GRM4: variants seen among roughly 807,000 people sequenced by gnomAD.
GRM4 encodes the protein glutamate metabotropic receptor 4.
A neutral mutation model predicts 81.7 loss-of-function variants in GRM4; 28 were observed. The ratio of observed to expected loss-of-function variants is 0.34; its 90% CI spans 0.25 to 0.47. The LOEUF (loss-of-function observed/expected upper bound fraction) is 0.47, where lower values mean the gene tolerates loss of function less well. GRM4 is among the 20% of genes least tolerant of loss of function. The pLI, the probability that GRM4 is intolerant of heterozygous loss-of-function variation, is 1.00. For synonymous variants in GRM4, 488 were observed against 528.8 expected, an observed-to-expected ratio of 0.92 and a Z score of 1.06; for missense variants, 948 against 1,290.0, an observed-to-expected ratio of 0.73 and a Z score of 4.06.
intron 3 of GRM4, among the ~76,000 whole-genome samples, chr6:34,086,056 G>A (rs1027088979): frequency 7.2e-5 from 11 of 152,254 alleles, no homozygotes; most frequent in African/African-American, 2.4e-4. Flanking sequence ...AAGGAGGCAA[G>A]GCCAGAGAGT....
intron 2 of GRM4, among the ~76,000 whole-genome samples, chr6:34,098,151 T>C (rs1157176560): frequency 2.6e-5 from 4 of 152,160 alleles, no homozygotes; most frequent in Non-Finnish European, 1.5e-5. Flanking sequence ...TCAGCAAATA[T>C]GCAAAAAGTG....
intron 9 of GRM4, among the ~76,000 whole-genome samples, chr6:34,032,637 T>C (rs1764495138): frequency 6.6e-6 from 1 of 152,224 alleles, no homozygotes; most frequent in African/African-American, 2.4e-5. Flanking sequence ...CAAGTCCCTG[T>C]CCCTCTCTGG....
chr6:34,025,316 C>T lies in GRM4; in HGVS notation c.2690-2446G>A, dbSNP rs934808542. On this transcript the variant is annotated intron_variant, in intron 10 of 10. Transcript: ENST00000538487. ...GAATCAATTCCCCAGAGCTCCGTCA[C>T]CCCCTGGGGGAACTGATAAAACTGA... Among the ~76,000 whole-genome samples, 2 of 152,116 alleles carry T rather than the reference C, an allele frequency of 1.3e-5. 1 individual carries two copies. The highest frequency in any genetic ancestry group is 4.8e-5 in the African/African-American group (2 of 41,412).
chr6:34,038,999 A>T (rs1764860549), intron 8 of GRM4, among the ~76,000 whole-genome samples: 1 of 152,170 alleles, frequency 6.6e-6, no homozygotes, highest in African/African-American at 2.4e-5. Context: ...GCCGCTAGTG[A>T]GTTGCAGTCC....
exon 1 of GRM4, chr6:34,155,291 G>T: frequency 6.5e-7 from 1 of 1,533,612 alleles, no homozygotes; most frequent in Non-Finnish European, 8.7e-7. Context: ...TGGGAGGAAG[G>T]TGGGGTACAG....
Position 34,070,821 on chromosome 6 carries a change from G to C in GRM4, c.737-8793C>G, listed in dbSNP as rs1201703335. Among the ~76,000 whole-genome samples, 1 of 112,296 alleles carries C rather than the reference G, an allele frequency of 8.9e-6. No individual in the cohort carries two copies. The highest frequency in any genetic ancestry group is 1.8e-5 in the Non-Finnish European group (1 of 54,638). The allele number at this position is 112,296 out of a possible 152,430, so 73.7% of individuals were successfully genotyped here. On this transcript the variant is annotated intron_variant, in intron 3 of 10. Transcript: ENST00000538487. This position sits in a 1 kb window ranked among gnomAD's most constrained non-coding sequence, Gnocchi z 4.6. ...ACACACACACACACACACACACACG[G>C]CAATGCACACCCTTACAAAATCACA... is the stretch of plus-strand genomic sequence containing the variant.
At chr6:34,108,433 A>G (rs1163704266) in intron 2 of GRM4, among the ~76,000 whole-genome samples, 2 of 152,208 alleles carry the variant, frequency 1.3e-5, no homozygotes, top group Non-Finnish European at 2.9e-5. Context: ...GGACTTGCCC[A>G]GAGATACTCA....
At chr6:34,145,182 C>CG (rs1390128395) in intron 1 of GRM4, among the ~76,000 whole-genome samples, 5 of 151,896 alleles carry the variant, frequency 3.3e-5, no homozygotes, top group African/African-American at 1.2e-4. Context: ...GCACGGTTCT[C>CG]GCGGTGCCCA....
chr6:34,103,993 C>T, intron 2 of GRM4: 1 of 423,000 alleles, frequency 2.4e-6, no homozygotes. Context: ...CCTTGGTAAC[C>T]CTCACCACGG....
intron 2 of GRM4, among the ~76,000 whole-genome samples, chr6:34,102,766 G>A (rs1482442561): frequency 6.6e-6 from 1 of 152,144 alleles, no homozygotes; most frequent in African/African-American, 2.4e-5. Context: ...TGAACAAAGG[G>A]GACACCTCAT....
At chr6:34,141,220 G>T (rs1770677966) in intron 1 of GRM4, among the ~76,000 whole-genome samples, 1 of 152,184 alleles carries the variant, frequency 6.6e-6, no homozygotes, top group Non-Finnish European at 1.5e-5. Context: ...TGGTTCCCAT[G>T]CTGGTGGCCC....
rs1377339380 is a variant in GRM4 at position 34,059,630 on chromosome 6, C to T, written c.873-502G>A. 1 of 166,648 alleles carries T rather than the reference C, an allele frequency of 6.0e-6. No individual in the cohort carries two copies. The highest frequency in any genetic ancestry group is 1.3e-5 in the Non-Finnish European group (1 of 76,714). 10.3% of individuals were successfully genotyped at this position (166,648 alleles called of 1,614,324 possible). Reference sequence around the variant, plus strand: ...CCACAGCTCCCTCTTCATTCACCGCCCTCTGTGCCAAAATTCCAGGTCCTT... The same window carrying T: ...CCACAGCTCCCTCTTCATTCACCGCTCTCTGTGCCAAAATTCCAGGTCCTT... On this transcript the variant is annotated intron_variant, in intron 4 of 10. Coordinates refer to ENST00000538487, the MANE Select transcript of GRM4 (RefSeq NM_000841.4). This position sits in a 1 kb window ranked among gnomAD's most constrained non-coding sequence, Gnocchi z 5.7.
chr6:34,150,015 C>G (rs1004213198), upstream of GRM4, among the ~76,000 whole-genome samples: 1 of 152,130 alleles, frequency 6.6e-6, no homozygotes, highest in African/African-American at 2.4e-5. Context: ...CCCCAGGCCT[C>G]CTGGGGGTAT....
At chr6:34,073,045 C>T (rs1767060906) in intron 3 of GRM4, among the ~76,000 whole-genome samples, 1 of 144,524 alleles carries the variant, frequency 6.9e-6, no homozygotes, top group South Asian at 2.3e-4. Context: ...ACACACCACA[C>T]ACACACATCA....
intron 2 of GRM4, chr6:34,101,970 C>T: frequency 4.6e-6 from 7 of 1,524,190 alleles, no homozygotes; most frequent in Non-Finnish European, 6.2e-6. Flanking sequence ...TGGACCTCCA[C>T]TGCCACCTGT....
At chr6:34,079,200 C>T (rs919817970) in intron 3 of GRM4, among the ~76,000 whole-genome samples, 1 of 152,188 alleles carries the variant, frequency 6.6e-6, no homozygotes, top group Non-Finnish European at 1.5e-5. Flanking sequence ...AGGGCCAGCC[C>T]ACCCGCCTCA....
At chr6:34,146,138 G>A, upstream of GRM4, 1 of 985,490 alleles carries the variant, frequency 1.0e-6, no homozygotes, top group African/African-American at 1.7e-5. Context: ...GTGCGTCACT[G>A]GAACCTCACA....
intron 6 of GRM4, among the ~76,000 whole-genome samples, chr6:34,050,122 C>T (rs1765539849): frequency 6.6e-6 from 1 of 152,196 alleles, no homozygotes; most frequent in Non-Finnish European, 1.5e-5. Flanking sequence ...CTGCTTCAGC[C>T]ACACTGGCCT....
At position 34,133,042 on chromosome 6, in the gene GRM4, C is replaced by A; in HGVS notation, c.455G>T (p.Gly152Val). Residue 152 changes from glycine (G) to valine (V), a missense_variant, in exon 2 of 11, where the codon GGT becomes GTT. Physicochemically the swap from Gly to Val is moderately radical, Grantham distance 109 (BLOSUM62 -3). Coordinates refer to ENST00000538487, the MANE Select transcript of GRM4 (RefSeq NM_000841.4). The surrounding 1 kb of genome is among the most constrained non-coding windows in gnomAD (Gnocchi z 6.5). ...PIITKPERVV[G>V]VIGASGSSVS... ...CGAGCTCCCTGAAGCACCGATGACA[C>A]CCACCACACGTTCAGGCTTGGTGAT... is the stretch of plus-strand genomic sequence containing the variant. 1 of 1,613,922 alleles carries A rather than the reference C, an allele frequency of 6.2e-7. No homozygotes were observed. Among genetic ancestry groups the A allele is most frequent in the Non-Finnish European group, 8.5e-7 (1 of 1,179,884 alleles).
Sources: gnomAD v4.1 joint callset for allele counts (sites outside exome capture counted in the v4.1 genomes callset) on GRCh38, gnomAD v4.1.1 for gene constraint, Gnocchi (gnomAD v3.1) non-coding constraint, MANE v1.5 for transcripts, NCBI Gene and HGNC (gene_info 2026-07-23, HGNC 2026-07-21) for gene names.